MAST2: variants seen among roughly 807,000 people sequenced by gnomAD.
MAST2 encodes microtubule associated serine/threonine kinase 2.
A neutral mutation model predicts 147.4 loss-of-function variants in MAST2; 70 were observed. That is an observed-to-expected ratio of 0.47 (90% CI 0.39 to 0.58). MAST2 has a LOEUF of 0.58. Among genes scored for constraint, MAST2 ranks in the 20% least tolerant of loss-of-function variants. The probability of loss-of-function intolerance (pLI) is 0.00; values close to 1 mark genes in which losing one functional copy is unlikely to be tolerated. For synonymous variants in MAST2, 869 were observed against 896.8 expected (o/e 0.97, Z 0.55); for missense variants, 2,080 against 2,302.3 (o/e 0.90, Z 1.98).
chr1:46,013,330 A>T (rs1406736964), intron 10 of MAST2, among the ~76,000 whole-genome samples: 1 of 152,156 alleles, frequency 6.6e-6, no homozygotes, highest in African/African-American at 2.4e-5. Context: ...CAAACAGTCA[A>T]CAAACATTGA....
At chr1:45,892,449 T>G (rs749622873) in intron 4 of MAST2, among the ~76,000 whole-genome samples, 2 of 152,242 alleles carry the variant, frequency 1.3e-5, no homozygotes, top group African/African-American at 2.4e-5. Flanking sequence ...TCATTTCTTA[T>G]AGTTCATACC....
intron 4 of MAST2, among the ~76,000 whole-genome samples, chr1:45,931,377 G>GTTTTTTTTTTTTTTTTTTT (rs71587091): frequency 3.0e-5 from 3 of 101,206 alleles, no homozygotes; most frequent in African/African-American, 3.9e-5. Flanking sequence ...ATTGTGTTCT[G>GTTTTTTTTTTTTTTTTTTT]TTTTTTTTTT....
chr1:45,880,699 G>A (rs573406554), intron 3 of MAST2, among the ~76,000 whole-genome samples: 129 of 152,036 alleles, frequency 8.5e-4, no homozygotes, highest in Middle Eastern at 3.4e-3. Flanking sequence ...AAAGTAAACC[G>A]GCTGGGCGTG....
chr1:46,034,835 C>T lies in MAST2; in HGVS notation c.4166C>T (p.Ser1389Leu). 6.2e-7 allele frequency: 1 copy of T among 1,614,234 alleles called. No homozygotes were observed. Among genetic ancestry groups the T allele is most frequent in the East Asian group, 2.2e-5 (1 of 44,882 alleles). ...TCACCTCCCCTGGGCAGGCAACTCT[C>T]ACGGCCCAAGAGTGCGGAGCCACCC... ...HLSPPLGRQL[S>L]RPKSAEPPRS... is the part of the protein sequence containing the mutation. Residue 1389 changes from serine to leucine, a missense_variant, in exon 29 of 29, where the codon TCA (serine) becomes TTA (leucine). Ser to Leu is a moderately radical substitution (Grantham distance 145, BLOSUM62 -2). Coordinates refer to ENST00000361297, the MANE Select transcript of MAST2 (RefSeq NM_015112.3).
chr1:45,865,187 T>G (rs1290177475), intron 3 of MAST2: 2 of 454,042 alleles, frequency 4.4e-6, no homozygotes, highest in Admixed American at 4.8e-5. Flanking sequence ...TTTTAATGTC[T>G]CTTGTAAATG....
intron 2 of MAST2, 135 bp from the exon 3 acceptor site, chr1:45,829,304 G>T: frequency 4.2e-6 from 3 of 707,844 alleles, no homozygotes; most frequent in Non-Finnish European, 6.3e-6. Flanking sequence ...AATTTTAATA[G>T]ATTCTAAAAT....
At chr1:45,885,432 A>G (rs1455413478) in intron 4 of MAST2, among the ~76,000 whole-genome samples, 1 of 152,202 alleles carries the variant, frequency 6.6e-6, no homozygotes, top group African/African-American at 2.4e-5. Context: ...GTAATATGTT[A>G]GTTGCATTAA....
intron 4 of MAST2, among the ~76,000 whole-genome samples, chr1:45,899,941 G>A (rs1335119855): frequency 6.6e-6 from 1 of 151,798 alleles, no homozygotes; most frequent in African/African-American, 2.4e-5. Context: ...GGAGGCTGAG[G>A]CAAGTGGATC....
intron 3 of MAST2, among the ~76,000 whole-genome samples, chr1:45,844,609 AGAGGTGGG>A (rs1645375129): frequency 6.6e-6 from 1 of 152,048 alleles, no homozygotes; most frequent in Non-Finnish European, 1.5e-5. Flanking sequence ...AACTTTTTGT[AGAGGTGGG>A]ATTTTACAGT....
At chr1:45,818,557 T>C (rs1212756181) in intron 1 of MAST2, among the ~76,000 whole-genome samples, 3 of 152,246 alleles carry the variant, frequency 2.0e-5, no homozygotes, top group Non-Finnish European at 4.4e-5. Flanking sequence ...CTTTTCGATT[T>C]GCTTCAAATG....
At chr1:45,872,787 A>G (rs904803789) in intron 3 of MAST2, among the ~76,000 whole-genome samples, 6 of 152,060 alleles carry the variant, frequency 3.9e-5, no homozygotes, top group African/African-American at 1.4e-4. Flanking sequence ...GGCCATGAAT[A>G]GCACCATTTC....
In MAST2 at chr1:46,004,206, T is replaced by TA. The variant is rs546337408; in HGVS notation, c.747+1324dup. Reference sequence around the variant, plus strand: ...GGTGAAACCCCGTCTCCACTAAAAATACAAAAAATTAGCTGGGCGTGGTGG... The same window carrying TA: ...GGTGAAACCCCGTCTCCACTAAAAATAACAAAAAATTAGCTGGGCGTGGTGG... On this transcript the variant is annotated intron_variant, in intron 7 of 28. Coordinates refer to ENST00000361297, the MANE Select transcript of MAST2 (RefSeq NM_015112.3). Among the ~76,000 whole-genome samples the TA allele has an allele frequency of 6.6e-4, 100 of 151,682 alleles. 1 individual carries two copies. The highest frequency in any genetic ancestry group is 2.3e-3 in the African/African-American group (94 of 41,336).
chr1:45,861,936 A>G (rs1361057945), intron 3 of MAST2, among the ~76,000 whole-genome samples: 1 of 152,216 alleles, frequency 6.6e-6, no homozygotes, highest in Non-Finnish European at 1.5e-5. Flanking sequence ...GCCTCCAGGC[A>G]GCATTTGTTC....
At chr1:46,014,209 T>C (rs1645836272) in intron 10 of MAST2, among the ~76,000 whole-genome samples, 1 of 152,046 alleles carries the variant, frequency 6.6e-6, no homozygotes, top group Admixed American at 6.5e-5. Context: ...AGTTTTAGGG[T>C]ACATGTGCAC....
chr1:46,029,134 GTC>G (rs766503813), intron 18 of MAST2: 1 of 592,096 alleles, frequency 1.7e-6, no homozygotes, highest in Non-Finnish European at 2.9e-6. Context: ...GGCTTCACAT[GTC>G]TCTCATAGAC....
chr1:45,809,060 A>G (rs933572427), intron 1 of MAST2, among the ~76,000 whole-genome samples: 1 of 152,214 alleles, frequency 6.6e-6, no homozygotes, highest in African/African-American at 2.4e-5. Context: ...GGCTTAGTAT[A>G]GTACTTGAAA....
chr1:46,035,494 G>T lies in MAST2; in HGVS notation c.4825G>T (p.Asp1609Tyr). Residue 1609 changes from aspartate to tyrosine, a missense_variant, in exon 29 of 29, where the codon GAC becomes TAC. By Grantham distance (160) the Asp-to-Tyr change is radical. Transcript: ENST00000361297. This position sits in a 1 kb window ranked among gnomAD's most constrained non-coding sequence, Gnocchi z 5.5. ...GPNLGQSGAT[D>Y]PIPPEGCWKA... ...CAACCTAGGTCAGTCTGGAGCCACAGACCCCATCCCTCCTGAAGGTTGCTG... is the reference window on the plus strand; with the variant it reads ...CAACCTAGGTCAGTCTGGAGCCACATACCCCATCCCTCCTGAAGGTTGCTG... 1 of 1,613,240 alleles carries T rather than the reference G, an allele frequency of 6.2e-7. No individual in the cohort carries two copies. Among genetic ancestry groups the T allele is most frequent in the Non-Finnish European group, 8.5e-7 (1 of 1,179,982 alleles).
Position 46,006,314 on chromosome 1 carries a change from C to T in MAST2, c.821C>T (p.Thr274Met), listed in dbSNP as rs762739884. 20 of 1,613,842 alleles carry T rather than the reference C, an allele frequency of 1.2e-5. No homozygotes were observed. The highest frequency in any genetic ancestry group is 5.0e-5 in the Admixed American group (3 of 59,978). The part of the protein sequence containing the change: ...QPTADELHFL[T>M]KHFSTESVPD... ...ACAGCTGATGAGCTGCACTTTTTGA[C>T]GAAGCATTTCAGCACAGAGAGCGTA... The change falls in exon 8 of 29, where the codon ACG becomes ATG. Residue 274 changes from threonine to methionine, a missense_variant. This residue lies in a region of MAST2 where 569 missense variants were observed against 642.5 expected (regional missense o/e 0.89). Coordinates refer to ENST00000361297, the MANE Select transcript of MAST2 (RefSeq NM_015112.3).
chr1:45,910,398 A>G (rs1488211810), intron 4 of MAST2, among the ~76,000 whole-genome samples: 6 of 152,166 alleles, frequency 3.9e-5, no homozygotes, highest in Non-Finnish European at 7.4e-5. Context: ...AAGCTGAATT[A>G]AAAATTTTTG....
Sources: allele counts gnomAD v4.1 joint callset (sites outside exome capture counted in the v4.1 genomes callset), GRCh38; gene constraint gnomAD v4.1.1; regional missense constraint gnomAD v4.1.1; non-coding constraint Gnocchi (gnomAD v3.1); transcripts MANE v1.5; gene names NCBI Gene and HGNC (gene_info 2026-07-23, HGNC 2026-07-21).